Variants in ASB4 observed in about 807,000 individuals in gnomAD.
The protein encoded by ASB4 is ankyrin repeat and SOCS box protein 4.
A neutral mutation model predicts 38.6 loss-of-function variants in ASB4; 35 were observed. The ratio of observed to expected loss-of-function variants is 0.91; its 90% CI spans 0.69 to 1.20. The LOEUF is 1.20. ASB4 is among the 50% of genes most tolerant of loss of function. The pLI is 0.00. For missense variants in ASB4, 557 were observed against 527.2 expected, an observed-to-expected ratio of 1.06 and a Z score of -0.55; for synonymous variants, 195 against 201.3, an observed-to-expected ratio of 0.97 and a Z score of 0.26.
At chr7:95,546,486 T>G in the ASB4 span, among the ~76,000 whole-genome samples, 1 of 152,232 alleles carries the variant, frequency 6.6e-6, no homozygotes, top group African/African-American at 2.4e-5. Context: ...GTATCTTATT[T>G]TGATATTATG....
chr7:95,502,379 G>A (rs1338010628), intron 2 of ASB4, among the ~76,000 whole-genome samples: 1 of 80,830 alleles, frequency 1.2e-5, no homozygotes, highest in Admixed American at 1.3e-4. Context: ...AATGTAAATA[G>A]GTACCAGCCT....
chr7:95,544,561 C>T (rs1791009231), downstream of ASB4: 1 of 152,124 alleles, frequency 6.6e-6, no homozygotes, highest in Non-Finnish European at 1.5e-5. Flanking sequence ...GAGTTTTAAT[C>T]TTGATTGTTC....
At chr7:95,481,593 AG>A (rs1396038405), upstream of ASB4, among the ~76,000 whole-genome samples, 1 of 152,174 alleles carries the variant, frequency 6.6e-6, no homozygotes, top group Admixed American at 6.5e-5. Context: ...GCATTTGATA[AG>A]TGATTGTGGC....
At chr7:95,498,487 T>C (rs186404522) in intron 2 of ASB4, among the ~76,000 whole-genome samples, 15 of 152,328 alleles carry the variant, frequency 9.8e-5, no homozygotes, top group Admixed American at 4.6e-4. Context: ...GCCATCTGTA[T>C]ATTATTTACT....
chr7:95,522,412 A>G (rs1790676545), intron 2 of ASB4, among the ~76,000 whole-genome samples: 1 of 152,196 alleles, frequency 6.6e-6, no homozygotes, highest in Non-Finnish European at 1.5e-5. Context: ...ATAATATTTC[A>G]TTATATCATT....
intron 2 of ASB4, among the ~76,000 whole-genome samples, chr7:95,527,354 C>T (rs1790752763): frequency 6.6e-6 from 1 of 152,048 alleles, no homozygotes; most frequent in South Asian, 2.1e-4. Flanking sequence ...GGTTTATCTG[C>T]TATGAAAGAG....
At chr7:95,509,226 A>G (rs1790449083) in intron 2 of ASB4, among the ~76,000 whole-genome samples, 1 of 152,190 alleles carries the variant, frequency 6.6e-6, no homozygotes, top group South Asian at 2.1e-4. Context: ...GCAAAGCCCT[A>G]AAGAAGTAGG....
At chr7:95,516,851 C>A (rs1790590755) in intron 2 of ASB4, among the ~76,000 whole-genome samples, 1 of 152,194 alleles carries the variant, frequency 6.6e-6, no homozygotes, top group Non-Finnish European at 1.5e-5. Context: ...TTTTCTCCAT[C>A]TGAACTCAAA....
intron 2 of ASB4, among the ~76,000 whole-genome samples, chr7:95,520,877 G>A (rs550498548): frequency 6.6e-6 from 1 of 152,112 alleles, no homozygotes; most frequent in East Asian, 1.9e-4. Flanking sequence ...TTGATATTTG[G>A]TGGGGTAAGT....
the ASB4 span, among the ~76,000 whole-genome samples, chr7:95,471,038 G>C: frequency 1.3e-5 from 2 of 151,988 alleles, no homozygotes; most frequent in Non-Finnish European, 1.5e-5. Flanking sequence ...AAATGATTTA[G>C]TTGATGCCAT....
intron 2 of ASB4, among the ~76,000 whole-genome samples, chr7:95,498,674 AAAGAG>A (rs1790286071): frequency 6.6e-6 from 1 of 152,182 alleles, no homozygotes; most frequent in Non-Finnish European, 1.5e-5. Context: ...AGTATCTTTC[AAAGAG>A]AAGAAGTATT....
intron 2 of ASB4, among the ~76,000 whole-genome samples, chr7:95,497,209 T>C (rs112833775): frequency 0.013 from 2,038 of 152,266 alleles, 25 homozygotes; most frequent in Non-Finnish European, 0.02. Context: ...GTCATTATTC[T>C]GGAGCTATGC....
chr7:95,537,819 A>C lies in ASB4; in HGVS notation c.*60A>C. 1 of 1,456,170 alleles carries C rather than the reference A, an allele frequency of 6.9e-7. No homozygotes were observed. Among genetic ancestry groups the C allele is most frequent in the Non-Finnish European group, 9.4e-7 (1 of 1,063,590 alleles). 90.2% of individuals were successfully genotyped at this position (1,456,170 alleles called of 1,614,324 possible). The stretch of plus-strand genomic sequence containing the variant: ...TTAAGTGGACTTGCTGGGTAGACAC[A>C]GTTTGCCTAAATAAAATGGTACTTG... On this transcript the variant is annotated 3_prime_UTR_variant, in exon 5 of 5. Coordinates refer to ENST00000325885, the MANE Select transcript of ASB4 (RefSeq NM_016116.3).
the ASB4 span, among the ~76,000 whole-genome samples, chr7:95,471,484 A>G: frequency 6.6e-6 from 1 of 152,326 alleles, no homozygotes; most frequent in South Asian, 2.1e-4. Flanking sequence ...AGACATGTCA[A>G]AATAGGTTTC....
At chr7:95,522,428 T>A (rs536636425) in intron 2 of ASB4, among the ~76,000 whole-genome samples, 37 of 152,348 alleles carry the variant, frequency 2.4e-4, no homozygotes, top group African/African-American at 7.5e-4. Flanking sequence ...TCATTTAGGA[T>A]AATCTTTCCT....
chr7:95,521,308 A>T (rs1297355129), intron 2 of ASB4, among the ~76,000 whole-genome samples: 1 of 152,154 alleles, frequency 6.6e-6, no homozygotes, highest in Non-Finnish European at 1.5e-5. Context: ...GACAATTCTT[A>T]CAAGTGAGAT....
chr7:95,506,400 G>C (rs1790408506), intron 2 of ASB4, among the ~76,000 whole-genome samples: 1 of 151,936 alleles, frequency 6.6e-6, no homozygotes, highest in Admixed American at 6.6e-5. Context: ...CCTGTTTTCT[G>C]GACCACAAGT....
At position 95,529,423 on chromosome 7, in the gene ASB4, G is replaced by A. The variant is rs148045679; in HGVS notation, c.978+1120G>A. ...GTTCTACGTCTTACCTGGGTAAAAT[G>A]TCAGGGACTTGTCTGAAGTCCTGCA... On this transcript the variant is annotated intron_variant, in intron 3 of 4. Transcript: ENST00000325885. Among the ~76,000 whole-genome samples, 62 of 152,326 alleles carry A rather than the reference G, an allele frequency of 4.1e-4. No homozygotes were observed. In the East Asian group the frequency reaches 0.011, roughly 27 times the overall value.
intron 1 of ASB4, among the ~76,000 whole-genome samples, chr7:95,490,048 T>A (rs958418775): frequency 6.6e-6 from 1 of 152,184 alleles, no homozygotes; most frequent in African/African-American, 2.4e-5. Flanking sequence ...TTAATCAGAG[T>A]CCTTTTATTA....
Sources: allele counts gnomAD v4.1 joint callset (sites outside exome capture counted in the v4.1 genomes callset), GRCh38; gene constraint gnomAD v4.1.1; transcripts MANE v1.5; gene names NCBI Gene and HGNC (gene_info 2026-07-23, HGNC 2026-07-21).